The following DOCK4 variants were observed in gnomAD, a reference collection of about 807,000 sequenced individuals.
DOCK4 encodes the protein dedicator of cytokinesis protein 4.
In DOCK4, 97 loss-of-function variants were observed where a neutral mutation model predicts 268.1. The ratio of observed to expected loss-of-function variants is 0.36; its 90% CI spans 0.31 to 0.43. DOCK4 has a LOEUF of 0.43. Ranked by LOEUF, DOCK4 falls within the 20% of genes least tolerant of loss-of-function variation. The pLI is 1.00. For missense variants in DOCK4, 2,145 were observed against 2,455.7 expected (o/e 0.87, Z 2.67); for synonymous variants, 954 against 887.2 (o/e 1.08, Z -1.34).
chr7:112,171,446 C>CT (rs75893945), intron 1 of DOCK4, among the ~76,000 whole-genome samples: 77,792 of 150,098 alleles, frequency 0.52, 22,210 homozygotes, highest in East Asian at 0.73. Flanking sequence ...TTTCCTTTAT[C>CT]TTTTTTTTTC....
chr7:111,832,731 T>A (rs1437564463), intron 26 of DOCK4, among the ~76,000 whole-genome samples: 2 of 152,204 alleles, frequency 1.3e-5, no homozygotes, highest in Non-Finnish European at 2.9e-5. Flanking sequence ...TTTTGCTATG[T>A]TGGCCAAGCT....
intron 12 of DOCK4, among the ~76,000 whole-genome samples, chr7:111,931,429 G>A (rs1794192883): frequency 6.6e-6 from 1 of 152,162 alleles, no homozygotes; most frequent in African/African-American, 2.4e-5. Flanking sequence ...GTAAGAATAA[G>A]GAGCTAGTAA....
At chr7:112,048,152 C>T (rs150174432) in intron 1 of DOCK4, among the ~76,000 whole-genome samples, 228 of 152,088 alleles carry the variant, frequency 1.5e-3, no homozygotes, top group African/African-American at 5.0e-3. Context: ...CATAAATCTA[C>T]AGATCCAAGA....
chr7:111,988,998 T>A lies in DOCK4; in HGVS notation c.464+17A>T. ...TGTTCACCTACTAGAGGCCGCCCTG[T>A]GATGCTCAATACTCACTCATTGCCC... On this transcript the variant is annotated intron_variant, in intron 6 of 52. Coordinates refer to ENST00000428084, the MANE Select transcript of DOCK4 (RefSeq NM_001363540.2). The A allele has an allele frequency of 6.2e-7, 1 of 1,601,270 alleles. No homozygotes were observed. Among genetic ancestry groups the A allele is most frequent in the Non-Finnish European group, 8.5e-7 (1 of 1,173,476 alleles).
At chr7:111,820,634 C>T (rs1298895832) in intron 27 of DOCK4, 1 of 152,118 alleles carries the variant, frequency 6.6e-6, no homozygotes, top group South Asian at 2.1e-4. Context: ...TATTTAATAT[C>T]AAAAAGCCAC....
chr7:112,184,722 A>G (rs935390790), intron 1 of DOCK4, among the ~76,000 whole-genome samples: 1 of 151,988 alleles, frequency 6.6e-6, no homozygotes. Context: ...AGTCCTTCTC[A>G]GTGGGCTTGT....
chr7:112,106,023 G>T (rs1245075970), intron 1 of DOCK4, among the ~76,000 whole-genome samples: 1 of 152,138 alleles, frequency 6.6e-6, no homozygotes, highest in African/African-American at 2.4e-5. Flanking sequence ...GAATGGGAAG[G>T]CATGTAAGGG....
intron 13 of DOCK4, among the ~76,000 whole-genome samples, chr7:111,910,343 G>T (rs1586342202): frequency 6.6e-6 from 1 of 152,150 alleles, no homozygotes; most frequent in East Asian, 1.9e-4. Flanking sequence ...CTTTGCCTAG[G>T]GTCTGTTAAG....
intron 1 of DOCK4, among the ~76,000 whole-genome samples, chr7:112,059,679 A>G (rs997105520): frequency 2.0e-5 from 3 of 152,244 alleles, no homozygotes; most frequent in African/African-American, 7.2e-5. Flanking sequence ...GAGATAGTTA[A>G]CTAATGCAAT....
chr7:112,102,607 C>T (rs113612534), intron 1 of DOCK4, among the ~76,000 whole-genome samples: 11 of 152,296 alleles, frequency 7.2e-5, no homozygotes, highest in African/African-American at 2.6e-4. Context: ...AGAGAGCTCC[C>T]TTGCCCTTTC....
chr7:112,160,632 G>A (rs915124041), intron 1 of DOCK4, among the ~76,000 whole-genome samples: 1 of 152,178 alleles, frequency 6.6e-6, no homozygotes. Context: ...ACAGCCCTGG[G>A]TTATCTCCTT....
intron 13 of DOCK4, among the ~76,000 whole-genome samples, chr7:111,903,824 G>A (rs1166595801): frequency 6.6e-6 from 1 of 152,144 alleles, no homozygotes; most frequent in Non-Finnish European, 1.5e-5. Context: ...AAATATATTG[G>A]CTAAAAACAG....
intron 13 of DOCK4, among the ~76,000 whole-genome samples, chr7:111,908,599 G>T (rs980143117): frequency 2.4e-4 from 37 of 152,006 alleles, no homozygotes; most frequent in Non-Finnish European, 4.4e-4. Flanking sequence ...TGATACATAG[G>T]TATACATGTG....
chr7:112,133,736 T>A (rs1208037532), intron 1 of DOCK4, among the ~76,000 whole-genome samples: 1 of 152,052 alleles, frequency 6.6e-6, no homozygotes, highest in Non-Finnish European at 1.5e-5. Flanking sequence ...AATACGTAAA[T>A]AGAAAATTTT....
At chr7:112,138,147 C>T (rs1691847694) in intron 1 of DOCK4, among the ~76,000 whole-genome samples, 2 of 152,196 alleles carry the variant, frequency 1.3e-5, no homozygotes, top group African/African-American at 4.8e-5. Flanking sequence ...CCCTTCAAAC[C>T]TCCTATTCTG....
At chr7:112,205,421 T>G (rs1821312724) in intron 1 of DOCK4, among the ~76,000 whole-genome samples, 1 of 152,082 alleles carries the variant, frequency 6.6e-6, no homozygotes, top group Admixed American at 6.5e-5. Context: ...GAAATACCCG[T>G]TCTTCTCCAA....
At chr7:112,034,885 G>C (rs1322405856) in intron 1 of DOCK4, among the ~76,000 whole-genome samples, 1 of 152,028 alleles carries the variant, frequency 6.6e-6, no homozygotes, top group Non-Finnish European at 1.5e-5. Flanking sequence ...CTGGGAGACA[G>C]AAAAAATGAC....
chr7:111,848,930 G>A (rs759256104), intron 23 of DOCK4, among the ~76,000 whole-genome samples: 2 of 152,112 alleles, frequency 1.3e-5, no homozygotes, highest in Non-Finnish European at 2.9e-5. Context: ...CCCTTTATCT[G>A]CACAGGGCAC....
At chr7:112,003,689 A>C (rs1456577977) in intron 2 of DOCK4, among the ~76,000 whole-genome samples, 3 of 152,170 alleles carry the variant, frequency 2.0e-5, no homozygotes, top group Non-Finnish European at 4.4e-5. Context: ...AACCTCAGGT[A>C]AGCCATGTCT....
Sources: allele counts gnomAD v4.1 joint callset (sites outside exome capture counted in the v4.1 genomes callset), GRCh38; gene constraint gnomAD v4.1.1; transcripts MANE v1.5; gene names NCBI Gene and HGNC (gene_info 2026-07-23, HGNC 2026-07-21).